The following TADA1 variants were observed in gnomAD, a reference collection of about 807,000 sequenced individuals.
The protein encoded by TADA1 is transcriptional adaptor 1, also known as transcriptional adapter 1.
Under a neutral mutation model 39.3 loss-of-function variants are expected in TADA1, and 23 were observed. The ratio of observed to expected loss-of-function variants is 0.58; its 90% confidence interval spans 0.42 to 0.83. The LOEUF (loss-of-function observed/expected upper bound fraction) is 0.83. Among genes scored for constraint, TADA1 ranks in the 40% least tolerant of loss-of-function variants. The probability of loss-of-function intolerance (pLI) is 0.00; values close to 1 mark genes in which losing one functional copy is unlikely to be tolerated. For synonymous variants in TADA1, 137 were observed against 151.8 expected, an observed-to-expected ratio of 0.90 and a Z score of 0.72; for missense variants, 352 against 408.1, an observed-to-expected ratio of 0.86 and a Z score of 1.18.
chr1:166,869,913 T>A, intron 1 of TADA1, 59 bp from the exon 2 acceptor site: 1 of 1,457,516 alleles, frequency 6.9e-7, no homozygotes, highest in East Asian at 2.3e-5. Context: ...GTTTTTTTTG[T>A]TTGTTTTGTT....
chr1:166,865,759 C>T (rs1326808902), intron 3 of TADA1, among the ~76,000 whole-genome samples: 1 of 151,620 alleles, frequency 6.6e-6, no homozygotes, highest in African/African-American at 2.4e-5. Context: ...GCGGAGCTTG[C>T]AGTGAGCCGA....
intron 5 of TADA1, 117 bp downstream of exon 5, chr1:166,862,086 A>T: frequency 9.5e-7 from 1 of 1,048,910 alleles, no homozygotes; most frequent in Non-Finnish European, 1.4e-6. Context: ...TTCAACAATG[A>T]CAATTCTGTG....
intron 5 of TADA1, among the ~76,000 whole-genome samples, chr1:166,861,542 ATGCCAAGACTAATACTCTTCAG>A (rs1658413775): frequency 1.3e-5 from 2 of 152,210 alleles, no homozygotes; most frequent in Non-Finnish European, 2.9e-5. Context: ...TGCTGTTCAG[ATGCCAAGACTAATACTCTTCAG>A]TGCTGTATCA....
chr1:166,872,861 A>G (rs1191963942), intron 1 of TADA1, among the ~76,000 whole-genome samples: 2 of 152,268 alleles, frequency 1.3e-5, no homozygotes, highest in Non-Finnish European at 2.9e-5. Context: ...AACACAGACT[A>G]AGGACAAATA....
chr1:166,864,071 C>T (rs889555221), intron 3 of TADA1, 150 bp from the exon 4 acceptor site: 1 of 653,894 alleles, frequency 1.5e-6, no homozygotes, highest in African/African-American at 2.0e-5. Flanking sequence ...TTCTACTTCT[C>T]TAAATAAAAT....
At chr1:166,869,739 T>C (rs1402094258) in intron 2 of TADA1, 24 bp downstream of exon 2, 10 of 1,589,438 alleles carry the variant, frequency 6.3e-6, no homozygotes, top group Non-Finnish European at 7.8e-6. Flanking sequence ...AATAGTAAAA[T>C]AACTCTGCAG....
chr1:166,860,435 A>C (rs1461497571), intron 5 of TADA1, 98 bp from the exon 6 acceptor site: 1 of 1,234,216 alleles, frequency 8.1e-7, no homozygotes, highest in Non-Finnish European at 1.1e-6. Flanking sequence ...ATTTAGATGG[A>C]GATGCAGAAT....
intron 5 of TADA1, among the ~76,000 whole-genome samples, chr1:166,861,574 A>T (rs1658417425): frequency 1.3e-5 from 2 of 152,226 alleles, no homozygotes; most frequent in Non-Finnish European, 2.9e-5. Context: ...GTGCTGTATC[A>T]CAGCAAAAAC....
At chr1:166,865,140 T>G (rs1198155961) in intron 3 of TADA1, among the ~76,000 whole-genome samples, 1 of 151,998 alleles carries the variant, frequency 6.6e-6, no homozygotes, top group Non-Finnish European at 1.5e-5. Context: ...AGAATTCTGA[T>G]AAATTTCCAA....
At chr1:166,875,971 G>C (rs1219454183) in intron 1 of TADA1, among the ~76,000 whole-genome samples, 189 bp downstream of exon 1, 1 of 152,174 alleles carries the variant, frequency 6.6e-6, no homozygotes, top group African/African-American at 2.4e-5. Context: ...AGGAGGCCCG[G>C]TCTCTCCAGG....
intron 1 of TADA1, among the ~76,000 whole-genome samples, chr1:166,872,833 C>T (rs1658686149): frequency 6.6e-6 from 1 of 152,188 alleles, no homozygotes; most frequent in Non-Finnish European, 1.5e-5. Flanking sequence ...TACCCAGCCT[C>T]AACTATTCCT....
chr1:166,856,715 G>A lies in TADA1; in HGVS notation c.*852C>T, dbSNP rs1286281020. On this transcript the variant is annotated 3_prime_UTR_variant, in exon 8 of 8. Transcript: ENST00000367874. ...TAGGTTTGTTATCAGTAACACTATC[G>A]AATGTAAATTATTTTCACTTCATCA... is the stretch of plus-strand genomic sequence containing the variant. 4 of 152,630 alleles carry A rather than the reference G, an allele frequency of 2.6e-5. No homozygotes were observed. Among genetic ancestry groups the A allele is most frequent in the South Asian group, 2.1e-4 (1 of 4,820 alleles). The allele number at this position is 152,630 out of a possible 1,614,324, so 9.5% of individuals were successfully genotyped here.
intron 5 of TADA1, among the ~76,000 whole-genome samples, chr1:166,861,652 A>G (rs1231655292): frequency 6.6e-6 from 1 of 152,214 alleles, no homozygotes; most frequent in Non-Finnish European, 1.5e-5. Flanking sequence ...CTGTTGACAA[A>G]ACATCAGATC....
In TADA1 at chr1:166,876,144, C is replaced by G; in HGVS notation, c.74+16G>C. 6.2e-7 allele frequency: 1 copy of G among 1,611,224 alleles called. No individual in the cohort carries two copies. Among genetic ancestry groups the G allele is most frequent in the Admixed American group, 1.7e-5 (1 of 59,724 alleles). Reference sequence around the variant, plus strand: ...CCCGCGTGTTGGCCTGGACGCTGTGCTAGGGCAGCTCTTACTGTTTCACGT... The same window carrying G: ...CCCGCGTGTTGGCCTGGACGCTGTGGTAGGGCAGCTCTTACTGTTTCACGT... On this transcript the variant is annotated intron_variant, in intron 1 of 7. Transcript: ENST00000367874.
At chr1:166,872,542 C>A (rs1354174870) in intron 1 of TADA1, among the ~76,000 whole-genome samples, 2 of 152,034 alleles carry the variant, frequency 1.3e-5, no homozygotes, top group South Asian at 2.1e-4. Context: ...TGTGGTGGAA[C>A]GCACCTGTAA....
intron 7 of TADA1, among the ~76,000 whole-genome samples, 194 bp from the exon 8 acceptor site, chr1:166,857,913 TTTTTC>T (rs1001665912): frequency 2.6e-5 from 4 of 152,188 alleles, no homozygotes; most frequent in African/African-American, 7.2e-5. Context: ...CAAGGGATTT[TTTTTC>T]TTTTCTTTCT....
intron 1 of TADA1, among the ~76,000 whole-genome samples, chr1:166,872,758 G>T (rs989291747): frequency 6.6e-6 from 1 of 151,998 alleles, no homozygotes; most frequent in Non-Finnish European, 1.5e-5. Context: ...CTCACCAGAA[G>T]ATGCTGGTGC....
intron 5 of TADA1, 125 bp downstream of exon 5, chr1:166,862,078 C>A: frequency 9.9e-7 from 1 of 1,006,436 alleles, no homozygotes. Context: ...AAAACAACTT[C>A]AACAATGACA....
chr1:166,860,201 T>C lies in TADA1; in HGVS notation c.677A>G (p.Asn226Ser). 1 of 1,600,108 alleles carries C rather than the reference T, an allele frequency of 6.2e-7. No homozygotes were observed. The highest frequency in any genetic ancestry group is 8.5e-7 in the Non-Finnish European group (1 of 1,175,888). Reference sequence around the variant, plus strand: ...CTTCATTTACCTTTCTATTAAGTTGTTGTAAGCTACTACACTATTCTTCAG... The same window carrying C: ...CTTCATTTACCTTTCTATTAAGTTGCTGTAAGCTACTACACTATTCTTCAG... ...PYLKNSVVAY[N>S]NLIESPPAFT... Residue 226 changes from asparagine to serine, a missense_variant, in exon 6 of 8, where the codon AAC (asparagine) becomes AGC (serine). Around this residue, in one of 3 missense-constraint regions of TADA1, gnomAD observed 285 missense variants for 310.9 expected, o/e 0.92. Coordinates refer to ENST00000367874, the MANE Select transcript of TADA1 (RefSeq NM_053053.4).
Sources: gnomAD v4.1 joint callset for allele counts (sites outside exome capture counted in the v4.1 genomes callset) on GRCh38, gnomAD v4.1.1 for gene constraint, gnomAD v4.1.1 regional missense constraint, MANE v1.5 for transcripts, NCBI Gene and HGNC (gene_info 2026-07-23, HGNC 2026-07-21) for gene names.